Variants in RPH3A observed in about 807,000 individuals in gnomAD.
RPH3A encodes rabphilin-3A.
Under a neutral mutation model 102.2 loss-of-function variants are expected in RPH3A, and 48 were observed. That is an observed-to-expected ratio of 0.47 (90% CI 0.37 to 0.60). RPH3A has a LOEUF of 0.60. RPH3A is among the 20% of genes least tolerant of loss of function. The probability of loss-of-function intolerance (pLI) is 0.00; values close to 1 mark genes in which losing one functional copy is unlikely to be tolerated. For synonymous variants in RPH3A, 310 were observed against 324.3 expected (o/e 0.96, Z 0.47); for missense variants, 781 against 910.1 (o/e 0.86, Z 1.83).
At chr12:112,887,572 G>T (rs189482545) in intron 16 of RPH3A, among the ~76,000 whole-genome samples, 51 of 152,236 alleles carry the variant, frequency 3.4e-4, no homozygotes, top group Admixed American at 5.9e-4. Context: ...CAAATGCAAG[G>T]GTTCATCAAG....
chr12:112,586,323 A>T (rs771155082), intron 1 of RPH3A, among the ~76,000 whole-genome samples: 1 of 152,120 alleles, frequency 6.6e-6, no homozygotes, highest in East Asian at 1.9e-4. Flanking sequence ...CAAATTAGCT[A>T]ATGAGTAACT....
At chr12:112,805,667 T>C (rs1429702421) in intron 2 of RPH3A, among the ~76,000 whole-genome samples, 1 of 152,246 alleles carries the variant, frequency 6.6e-6, no homozygotes, top group Non-Finnish European at 1.5e-5. Context: ...AGACAGAGTT[T>C]GCTCGTTGAC....
At chr12:112,590,805 TA>T (rs199604869) in intron 1 of RPH3A, among the ~76,000 whole-genome samples, 5,012 of 152,168 alleles carry the variant, frequency 0.033, 137 homozygotes, top group Non-Finnish European at 0.044. Flanking sequence ...GGAGCACCTT[TA>T]AAAAAAATTA....
intron 1 of RPH3A, among the ~76,000 whole-genome samples, chr12:112,662,683 A>G (rs1197376963): frequency 6.6e-6 from 1 of 151,988 alleles, no homozygotes; most frequent in East Asian, 1.9e-4. Flanking sequence ...TGAGTTCAGT[A>G]CCAAAGCATT....
At chr12:112,853,518 T>C (rs910377389) in intron 5 of RPH3A, among the ~76,000 whole-genome samples, 21 of 152,178 alleles carry the variant, frequency 1.4e-4, no homozygotes, top group Non-Finnish European at 1.5e-4. Flanking sequence ...TAATATGTTA[T>C]AGAATCTGTT....
chr12:112,609,737 A>G (rs2039623947), intron 1 of RPH3A, among the ~76,000 whole-genome samples: 1 of 152,156 alleles, frequency 6.6e-6, no homozygotes, highest in Non-Finnish European at 1.5e-5. Flanking sequence ...CTGCCCCCCA[A>G]ACCAACCTGT....
intron 4 of RPH3A, 50 bp downstream of exon 4, chr12:112,836,552 A>T: frequency 1.0e-6 from 1 of 994,486 alleles, no homozygotes; most frequent in Non-Finnish European, 1.4e-6. Flanking sequence ...ACTGTATTTT[A>T]TCTCTTTCTC....
chr12:112,810,923 GTTAT>G (rs928315865), intron 2 of RPH3A, among the ~76,000 whole-genome samples: 9 of 151,448 alleles, frequency 5.9e-5, no homozygotes, highest in East Asian at 1.9e-4. Flanking sequence ...ATTATACTAT[GTTAT>G]TTGTTTTATA....
chr12:112,897,682 A>C lies in RPH3A; in HGVS notation c.*902A>C, dbSNP rs964955514. ...CCTTGCTCTCACCAGCCTGACCAGGAAACTGAGAAACTGGCCCAAACCTGA... is the reference window on the plus strand; with the variant it reads ...CCTTGCTCTCACCAGCCTGACCAGGCAACTGAGAAACTGGCCCAAACCTGA... On this transcript the variant is annotated 3_prime_UTR_variant, in exon 22 of 22. Coordinates refer to ENST00000389385, the MANE Select transcript of RPH3A (RefSeq NM_001143854.2). 2 of 152,394 alleles carry C rather than the reference A, an allele frequency of 1.3e-5. No homozygotes were observed. The highest frequency in any genetic ancestry group is 4.8e-5 in the African/African-American group (2 of 41,460). The allele number at this position is 152,394 out of a possible 1,614,324, so 9.4% of individuals were successfully genotyped here. A position where few individuals can be genotyped will look rare whatever the true frequency, so the allele number is the denominator to read the frequency against.
intron 4 of RPH3A, among the ~76,000 whole-genome samples, chr12:112,839,982 C>T (rs2042115058): frequency 6.6e-6 from 1 of 151,864 alleles, no homozygotes; most frequent in Non-Finnish European, 1.5e-5. Flanking sequence ...GAGTGAGACA[C>T]CATCTCAAAA....
At chr12:112,582,436 G>T (rs1219915717) in intron 1 of RPH3A, among the ~76,000 whole-genome samples, 1 of 145,884 alleles carries the variant, frequency 6.9e-6, no homozygotes, top group East Asian at 2.0e-4. Context: ...GAGCCACCAT[G>T]CCTGGCCTTG....
rs567129720 is a variant in RPH3A, at chr12:112,810,965, ATATG to A, written c.-18-17334_-18-17331del. On this transcript the variant is annotated intron_variant, in intron 2 of 21. Transcript: ENST00000389385. ...TAATACATATTTTTTGTGTGTACAT[ATATG>A]TGTGTGTGTGTGTGTGTATAGATAA... is the stretch of plus-strand genomic sequence containing the variant. Among the ~76,000 whole-genome samples, 56 of 63,464 alleles carry A rather than the reference ATATG, an allele frequency of 8.8e-4. No individual in the cohort carries two copies. The South Asian group carries it at 0.042, about 47-fold the overall frequency. 41.6% of individuals were successfully genotyped at this position (63,464 alleles called of 152,430 possible).
intron 17 of RPH3A, among the ~76,000 whole-genome samples, chr12:112,889,606 G>C (rs182825100): frequency 6.6e-6 from 1 of 152,314 alleles, no homozygotes; most frequent in East Asian, 1.9e-4. Flanking sequence ...TTCAGCAAAA[G>C]GGCCCCAGGG....
chr12:112,660,726 C>T (rs2040043352), intron 1 of RPH3A, among the ~76,000 whole-genome samples: 1 of 152,138 alleles, frequency 6.6e-6, no homozygotes, highest in Non-Finnish European at 1.5e-5. Flanking sequence ...TTTTTAAATC[C>T]TATTTTATAG....
intron 1 of RPH3A, among the ~76,000 whole-genome samples, chr12:112,636,862 C>T (rs140564747): frequency 6.6e-6 from 1 of 152,142 alleles, no homozygotes; most frequent in East Asian, 1.9e-4. Flanking sequence ...GCTCAGGCAC[C>T]CTACCCCAGT....
intron 1 of RPH3A, among the ~76,000 whole-genome samples, chr12:112,657,978 T>C (rs1490255905): frequency 1.3e-5 from 2 of 152,004 alleles, no homozygotes; most frequent in Non-Finnish European, 2.9e-5. Context: ...CCTGCTGTGC[T>C]CATGGAACAG....
At chr12:112,807,097 C>G (rs1474477410) in intron 2 of RPH3A, among the ~76,000 whole-genome samples, 1 of 151,782 alleles carries the variant, frequency 6.6e-6, no homozygotes, top group African/African-American at 2.4e-5. Context: ...GCGGGTGGTG[C>G]CTGCAGGACC....
At chr12:112,667,487 A>G (rs113788535) in intron 1 of RPH3A, among the ~76,000 whole-genome samples, 3 of 152,090 alleles carry the variant, frequency 2.0e-5, no homozygotes, top group African/African-American at 7.2e-5. Flanking sequence ...TTTTTTCTAT[A>G]TAAGTCAGGG....
chr12:112,785,960 A>G (rs890039495), intron 1 of RPH3A, among the ~76,000 whole-genome samples: 3 of 152,180 alleles, frequency 2.0e-5, no homozygotes, highest in Non-Finnish European at 2.9e-5. Context: ...CATTTAGAGT[A>G]TACGAAACTC....
Sources: gnomAD v4.1 joint callset for allele counts (sites outside exome capture counted in the v4.1 genomes callset) on GRCh38, gnomAD v4.1.1 for gene constraint, MANE v1.5 for transcripts, NCBI Gene and HGNC (gene_info 2026-07-23, HGNC 2026-07-21) for gene names.